Variants in FUT8 observed in about 807,000 individuals in gnomAD.
FUT8 encodes the protein fucosyltransferase 8, also known as alpha-(1,6)-fucosyltransferase.
In FUT8, 29 loss-of-function variants were observed where a neutral mutation model predicts 71.3. That is an observed-to-expected ratio of 0.41 (90% confidence interval 0.30 to 0.55). FUT8 has a LOEUF of 0.55. Among genes scored for constraint, FUT8 ranks in the 20% least tolerant of loss-of-function variants. The pLI is 0.34. For missense variants in FUT8, 544 were observed against 702.1 expected, an observed-to-expected ratio of 0.77 and a Z score of 2.55; for synonymous variants, 254 against 239.3, an observed-to-expected ratio of 1.06 and a Z score of -0.57.
chr14:65,385,058 A>ATT, the FUT8 span, among the ~76,000 whole-genome samples: 5 of 148,860 alleles, frequency 3.4e-5, no homozygotes, highest in East Asian at 7.9e-4. Context: ...TGCCTGGCTA[A>ATT]TTTTTTTTTT....
At chr14:65,408,345 C>T (rs192941738), upstream of FUT8, among the ~76,000 whole-genome samples, 17 of 152,330 alleles carry the variant, frequency 1.1e-4, no homozygotes, top group East Asian at 3.1e-3. Flanking sequence ...CAACCCACTA[C>T]AGACTGGTGG....
chr14:65,375,554 G>A, the FUT8 span, among the ~76,000 whole-genome samples: 1 of 152,116 alleles, frequency 6.6e-6, no homozygotes, highest in Admixed American at 6.6e-5. Context: ...CCAGAATGTT[G>A]AGGCTGCAGT....
chr14:65,436,412 C>T (rs914523501), intron 1 of FUT8, among the ~76,000 whole-genome samples: 6 of 151,954 alleles, frequency 3.9e-5, no homozygotes, highest in Non-Finnish European at 7.4e-5. Flanking sequence ...AGGCAGATCA[C>T]GAGGTCAGGA....
intron 2 of FUT8, among the ~76,000 whole-genome samples, chr14:65,456,546 G>A (rs1379021509): frequency 6.6e-6 from 1 of 151,836 alleles, no homozygotes; most frequent in Non-Finnish European, 1.5e-5. Flanking sequence ...TAAAACTGCT[G>A]CAATCATACA....
intron 2 of FUT8, among the ~76,000 whole-genome samples, chr14:65,481,935 C>G (rs1386204337): frequency 1.3e-5 from 2 of 152,166 alleles, no homozygotes; most frequent in East Asian, 3.9e-4. Context: ...TCTTTTCTTT[C>G]TCTTAATAGT....
intron 7 of FUT8, among the ~76,000 whole-genome samples, chr14:65,671,982 A>G (rs2140378998): frequency 6.6e-6 from 1 of 152,332 alleles, no homozygotes; most frequent in South Asian, 2.1e-4. Context: ...TATTGTTCAT[A>G]CATAACTTGA....
intron 1 of FUT8, among the ~76,000 whole-genome samples, chr14:65,416,661 T>G (rs1426157378): frequency 6.6e-6 from 1 of 152,160 alleles, no homozygotes; most frequent in East Asian, 1.9e-4. Context: ...TTAAACATAT[T>G]TAAAAGTAAA....
intron 2 of FUT8, among the ~76,000 whole-genome samples, chr14:65,525,759 G>A (rs1883421434): frequency 6.6e-6 from 1 of 152,146 alleles, no homozygotes; most frequent in Non-Finnish European, 1.5e-5. Context: ...CTGGTATGTT[G>A]TGTCTTTGTT....
intron 3 of FUT8, among the ~76,000 whole-genome samples, chr14:65,569,827 G>A (rs1886381911): frequency 6.6e-6 from 1 of 151,868 alleles, no homozygotes; most frequent in South Asian, 2.1e-4. Context: ...TTGGAGATTG[G>A]GCTTAATATT....
intron 7 of FUT8, among the ~76,000 whole-genome samples, chr14:65,693,538 G>A (rs375533973): frequency 1.3e-5 from 2 of 152,262 alleles, no homozygotes; most frequent in Admixed American, 6.5e-5. Flanking sequence ...TGGGGAGAGG[G>A]AGAGAGGGAG....
intron 7 of FUT8, among the ~76,000 whole-genome samples, chr14:65,680,115 G>A (rs145595095): frequency 6.6e-6 from 1 of 152,274 alleles, no homozygotes; most frequent in African/African-American, 2.4e-5. Context: ...CAGTTATCAA[G>A]TCTGAGAAGT....
chr14:65,584,443 G>A (rs1280888626), intron 3 of FUT8, among the ~76,000 whole-genome samples: 1 of 152,206 alleles, frequency 6.6e-6, no homozygotes, highest in Non-Finnish European at 1.5e-5. Flanking sequence ...GCCTCCCAAA[G>A]GGCTGGGATT....
rs181785892 is a variant in FUT8, at chr14:65,468,135, A to T, written c.-228+12417A>T. 9.4e-4 allele frequency: 598 copies of T among 637,728 alleles called. 4 individuals are homozygous for T. The African/African-American group carries it at 9.4e-3, about 10-fold the overall frequency. The allele number at this position is 637,728 out of a possible 1,614,324, so 39.5% of individuals were successfully genotyped here. On this transcript the variant is annotated intron_variant, in intron 2 of 10. Coordinates refer to ENST00000673929, the MANE Select transcript of FUT8 (RefSeq NM_001371533.1). ...ACAACTTGCTTACAGTGCCAACAGC[A>T]TGTTGGGTAACACTGCAGACTCTTC...
intron 2 of FUT8, among the ~76,000 whole-genome samples, chr14:65,530,707 G>T (rs1268110936): frequency 6.6e-6 from 1 of 151,742 alleles, no homozygotes; most frequent in African/African-American, 2.4e-5. Context: ...TAACTCTAAT[G>T]ATTTATAAGA....
chr14:65,536,885 G>A (rs1337636100), intron 2 of FUT8, among the ~76,000 whole-genome samples: 1 of 151,860 alleles, frequency 6.6e-6, no homozygotes, highest in Non-Finnish European at 1.5e-5. Flanking sequence ...CAAGGATGCC[G>A]ATGAGTTGTA....
intron 2 of FUT8, among the ~76,000 whole-genome samples, chr14:65,552,628 C>T (rs1016023438): frequency 1.3e-5 from 2 of 152,178 alleles, no homozygotes; most frequent in African/African-American, 4.8e-5. Context: ...ATGGAGACTG[C>T]AGCTCATTGT....
intron 1 of FUT8, among the ~76,000 whole-genome samples, chr14:65,427,340 C>G (rs1457427841): frequency 6.6e-6 from 1 of 152,142 alleles, no homozygotes; most frequent in African/African-American, 2.4e-5. Flanking sequence ...TATGGTAGTT[C>G]TATTTTTAAT....
At chr14:65,593,791 G>A (rs1466603614) in intron 3 of FUT8, among the ~76,000 whole-genome samples, 1 of 152,152 alleles carries the variant, frequency 6.6e-6, no homozygotes, top group African/African-American at 2.4e-5. Flanking sequence ...GGTCAAGCTG[G>A]TCTTGAACTC....
intron 1 of FUT8, among the ~76,000 whole-genome samples, chr14:65,455,398 A>G (rs1308575857): frequency 6.6e-6 from 1 of 152,226 alleles, no homozygotes; most frequent in Non-Finnish European, 1.5e-5. Flanking sequence ...AGCAAATTAA[A>G]CCACTGAGTG....
Sources: allele counts gnomAD v4.1 joint callset (sites outside exome capture counted in the v4.1 genomes callset), GRCh38; gene constraint gnomAD v4.1.1; transcripts MANE v1.5; gene names NCBI Gene and HGNC (gene_info 2026-07-23, HGNC 2026-07-21).